RCAN2: variants seen among roughly 807,000 people sequenced by gnomAD.
RCAN2 encodes the protein regulator of calcineurin 2.
In RCAN2, 9 loss-of-function variants were observed where a neutral mutation model predicts 23.6. That is an observed-to-expected ratio of 0.38 (90% CI 0.23 to 0.67). The LOEUF is 0.67. Ranked by LOEUF, RCAN2 falls within the 30% of genes least tolerant of loss-of-function variation. RCAN2 has a pLI of 0.51. For missense variants in RCAN2, 273 were observed against 302.3 expected, an observed-to-expected ratio of 0.90 and a Z score of 0.72; for synonymous variants, 109 against 115.7, an observed-to-expected ratio of 0.94 and a Z score of 0.37.
intron 2 of RCAN2, among the ~76,000 whole-genome samples, chr6:46,391,482 A>T (rs1194561983): frequency 2.6e-5 from 4 of 152,192 alleles, no homozygotes; most frequent in African/African-American, 9.7e-5. Context: ...GAAGCTGCAC[A>T]TAGATAGGGC....
At chr6:46,375,544 A>G (rs1341981926) in intron 2 of RCAN2, among the ~76,000 whole-genome samples, 3 of 152,214 alleles carry the variant, frequency 2.0e-5, no homozygotes, top group Non-Finnish European at 2.9e-5. Flanking sequence ...GCCCTAGTTT[A>G]TCTTTCTGAA....
chr6:46,232,514 G>A lies in RCAN2; in HGVS notation c.572-9213C>T, dbSNP rs777155631. Among the ~76,000 whole-genome samples, 16 of 152,100 alleles carry A rather than the reference G, an allele frequency of 1.1e-4. No homozygotes were observed. In the South Asian group the frequency reaches 1.2e-3, roughly 12 times the overall value. Reference sequence around the variant, plus strand: ...GCTCATTAAAAAAAGAGTTTAGGTCGGGCGTGGTGTCTCATGCCTGTAATG... The same window carrying A: ...GCTCATTAAAAAAAGAGTTTAGGTCAGGCGTGGTGTCTCATGCCTGTAATG... On this transcript the variant is annotated intron_variant, in intron 4 of 4. Coordinates refer to ENST00000371374, the MANE Select transcript of RCAN2 (RefSeq NM_001251974.2).
At chr6:46,278,609 T>A (rs1767792068) in intron 2 of RCAN2, among the ~76,000 whole-genome samples, 2 of 152,210 alleles carry the variant, frequency 1.3e-5, no homozygotes, top group Admixed American at 1.3e-4. Context: ...CCCATTAGTG[T>A]TCCTTTATAA....
At chr6:46,266,713 C>T (rs976754261) in intron 2 of RCAN2, among the ~76,000 whole-genome samples, 1 of 152,130 alleles carries the variant, frequency 6.6e-6, no homozygotes, top group Non-Finnish European at 1.5e-5. Flanking sequence ...ACTACTTTTC[C>T]CACAGGGTCC....
chr6:46,423,968 C>G (rs978119476), intron 2 of RCAN2, among the ~76,000 whole-genome samples: 1 of 152,148 alleles, frequency 6.6e-6, no homozygotes, highest in Non-Finnish European at 1.5e-5. Flanking sequence ...AGGTAACTAA[C>G]CCAAGAACAC....
chr6:46,321,935 T>C (rs1401621879), intron 2 of RCAN2, among the ~76,000 whole-genome samples: 3 of 152,208 alleles, frequency 2.0e-5, no homozygotes, highest in Non-Finnish European at 2.9e-5. Flanking sequence ...ACCTCACCTG[T>C]ACCTACTTGT....
At chr6:46,315,676 G>T (rs112556125) in intron 2 of RCAN2, among the ~76,000 whole-genome samples, 2 of 152,094 alleles carry the variant, frequency 1.3e-5, no homozygotes, top group African/African-American at 4.8e-5. Context: ...TAGGAGCCAC[G>T]GAGTCTCTAA....
intron 2 of RCAN2, among the ~76,000 whole-genome samples, chr6:46,394,104 A>G (rs1346408025): frequency 6.6e-6 from 1 of 152,192 alleles, no homozygotes; most frequent in African/African-American, 2.4e-5. Context: ...CTCTGTGACA[A>G]TACCCAGCAG....
At chr6:46,332,129 T>C (rs1305879482) in intron 2 of RCAN2, among the ~76,000 whole-genome samples, 1 of 152,210 alleles carries the variant, frequency 6.6e-6, no homozygotes, top group African/African-American at 2.4e-5. Context: ...TGATGCCTAA[T>C]GATTGTTTTT....
intron 2 of RCAN2, among the ~76,000 whole-genome samples, chr6:46,394,874 T>C (rs1039976682): frequency 2.6e-5 from 4 of 152,174 alleles, no homozygotes; most frequent in Non-Finnish European, 5.9e-5. Flanking sequence ...GCAGTGGACA[T>C]AGTGAGATAG....
intron 2 of RCAN2, among the ~76,000 whole-genome samples, chr6:46,343,904 A>C (rs1764407692): frequency 6.6e-6 from 1 of 152,204 alleles, no homozygotes; most frequent in South Asian, 2.1e-4. Flanking sequence ...CATCAATTAA[A>C]AGGAATAAAC....
At chr6:46,233,214 A>G (rs1263632332) in intron 4 of RCAN2, among the ~76,000 whole-genome samples, 1 of 152,218 alleles carries the variant, frequency 6.6e-6, no homozygotes, top group Non-Finnish European at 1.5e-5. Context: ...ACGGTGAACA[A>G]TGATTGAGTT....
intron 1 of RCAN2, among the ~76,000 whole-genome samples, chr6:46,482,512 C>G (rs1299722432): frequency 6.6e-6 from 1 of 152,052 alleles, no homozygotes. Context: ...ATGTCAGGCT[C>G]CCAGATAAAT....
At chr6:46,263,475 A>ATGTGTG (rs57316214) in intron 2 of RCAN2, among the ~76,000 whole-genome samples, 1 of 138,872 alleles carries the variant, frequency 7.2e-6, no homozygotes, top group Non-Finnish European at 1.6e-5. Flanking sequence ...GTGTGTGTGT[A>ATGTGTG]TGTGTGTGTG....
chr6:46,318,768 T>G (rs761101483), intron 2 of RCAN2, among the ~76,000 whole-genome samples: 2 of 152,212 alleles, frequency 1.3e-5, no homozygotes, highest in South Asian at 4.1e-4. Context: ...CATTTGCACA[T>G]GTGTATAATA....
intron 3 of RCAN2, among the ~76,000 whole-genome samples, chr6:46,247,253 G>A (rs914928056): frequency 2.6e-5 from 4 of 152,110 alleles, no homozygotes; most frequent in African/African-American, 9.7e-5. Context: ...TATGCTGTTG[G>A]CTGCCAGTCC....
chr6:46,422,895 A>T (rs1344575647), intron 2 of RCAN2, among the ~76,000 whole-genome samples: 4 of 152,204 alleles, frequency 2.6e-5, no homozygotes, highest in Non-Finnish European at 5.9e-5. Context: ...GGTGAAGAGA[A>T]TAAACAAAGC....
At chr6:46,237,451 C>T (rs1051814817) in intron 4 of RCAN2, among the ~76,000 whole-genome samples, 3 of 152,158 alleles carry the variant, frequency 2.0e-5, no homozygotes, top group African/African-American at 7.2e-5. Context: ...GGTGAATTCT[C>T]AACAGGAAAG....
At chr6:46,271,399 T>C (rs914648735) in intron 2 of RCAN2, among the ~76,000 whole-genome samples, 1 of 152,202 alleles carries the variant, frequency 6.6e-6, no homozygotes, top group Non-Finnish European at 1.5e-5. Flanking sequence ...GCTATGAAGG[T>C]TAAACTGCTT....
Sources: gnomAD v4.1 joint callset for allele counts (sites outside exome capture counted in the v4.1 genomes callset) on GRCh38, gnomAD v4.1.1 for gene constraint, MANE v1.5 for transcripts, NCBI Gene and HGNC (gene_info 2026-07-23, HGNC 2026-07-21) for gene names.